ITSN1: variants seen among roughly 807,000 people sequenced by gnomAD.
The protein encoded by ITSN1 is intersectin 1.
A neutral mutation model predicts 239.8 loss-of-function variants in ITSN1; 58 were observed. The observed-to-expected ratio is 0.24, with a 90% CI of 0.20 to 0.30. ITSN1 has a LOEUF of 0.30. Ranked by LOEUF, ITSN1 falls within the 10% of genes least tolerant of loss-of-function variation. ITSN1 has a pLI of 1.00. For missense variants in ITSN1, 1,558 were observed against 2,103.3 expected, an observed-to-expected ratio of 0.74 and a Z score of 5.07; for synonymous variants, 780 against 770.8, an observed-to-expected ratio of 1.01 and a Z score of -0.20.
chr21:33,643,773 TCTC>T (rs2087671113), intron 1 of ITSN1: 1 of 152,276 alleles, frequency 6.6e-6, no homozygotes. Flanking sequence ...TTGGCATTCT[TCTC>T]TTGCTGCTCC....
chr21:33,740,942 A>G (rs556099625), intron 5 of ITSN1, among the ~76,000 whole-genome samples: 17 of 152,258 alleles, frequency 1.1e-4, no homozygotes, highest in East Asian at 7.7e-4. Flanking sequence ...TAGCTAATAA[A>G]TTTTTCCTTT....
intron 1 of ITSN1, among the ~76,000 whole-genome samples, chr21:33,696,098 C>T (rs2091781055): frequency 6.6e-6 from 1 of 152,144 alleles, no homozygotes; most frequent in Non-Finnish European, 1.5e-5. Context: ...TAGCAGAGCG[C>T]AGTTGGTTTT....
At chr21:33,812,151 G>GA (rs201610599) in intron 21 of ITSN1, among the ~76,000 whole-genome samples, 6 of 151,678 alleles carry the variant, frequency 4.0e-5, no homozygotes, top group Admixed American at 2.6e-4. Context: ...TCTGCTTTAA[G>GA]AAAAAAAAGC....
chr21:33,800,997 A>G (rs1470349248), intron 19 of ITSN1, among the ~76,000 whole-genome samples: 2 of 150,828 alleles, frequency 1.3e-5, no homozygotes, highest in African/African-American at 2.4e-5. Context: ...CATCCTCCCA[A>G]CTAGCTGGAA....
At position 33,836,640 on chromosome 21, in the gene ITSN1, C is replaced by T; in HGVS notation, c.3661+8C>T. ...TGGACCCAAGCCAGCAATGTAAGTG[C>T]CCTGGTGGCTCTGTCGCCTCGCCTC... is the stretch of plus-strand genomic sequence containing the variant. On this transcript the variant is annotated splice_region_variant and intron_variant, in intron 29 of 39. Coordinates refer to ENST00000381318, the MANE Select transcript of ITSN1 (RefSeq NM_003024.3). The T allele has an allele frequency of 6.2e-7, 1 of 1,609,914 alleles. No individual in the cohort carries two copies. The highest frequency in any genetic ancestry group is 2.2e-5 in the East Asian group (1 of 44,852).
At position 33,885,084 on chromosome 21, in the gene ITSN1, A is replaced by G. The variant is rs1368558188; in HGVS notation, c.4720A>G (p.Ile1574Val). The change falls in exon 37 of 40, where the codon ATA (isoleucine) becomes GTA (valine). Residue 1574 changes from isoleucine to valine, a missense_variant. Physicochemically the swap from Ile to Val is conservative, Grantham distance 29. This residue lies in a region of ITSN1 where 576 missense variants were observed against 893.3 expected (regional missense o/e 0.64). Transcript: ENST00000381318. The stretch of plus-strand genomic sequence containing the variant: ...AATCAAAGCTGCTTCTGAACTCTAC[A>G]TAGAGACTGAGAAAAAGAAGCGCGA... ...QKIKAASELY[I>V]ETEKKKREKA... is the part of the protein sequence containing the mutation. The G allele has an allele frequency of 7.4e-6, 12 of 1,614,164 alleles. No homozygotes were observed. The highest frequency in any genetic ancestry group is 2.2e-5 in the East Asian group (1 of 44,884).
At chr21:33,843,337 G>A (rs1025606266) in intron 29 of ITSN1, among the ~76,000 whole-genome samples, 7 of 152,162 alleles carry the variant, frequency 4.6e-5, no homozygotes, top group Non-Finnish European at 8.8e-5. Context: ...CACTGGTGGG[G>A]TTACCATGGG....
chr21:33,851,059 C>T (rs1164566165), intron 29 of ITSN1, among the ~76,000 whole-genome samples: 2 of 152,186 alleles, frequency 1.3e-5, no homozygotes, highest in African/African-American at 4.8e-5. Flanking sequence ...TGAAAGCCAT[C>T]GCCCGGGCTT....
chr21:33,763,207 G>C (rs1171524455), intron 9 of ITSN1, among the ~76,000 whole-genome samples: 1 of 106,792 alleles, frequency 9.4e-6, no homozygotes, highest in Non-Finnish European at 1.8e-5. Context: ...CTTTTCCCAA[G>C]TCCCCCAGGC....
intron 10 of ITSN1, 139 bp from the exon 11 acceptor site, chr21:33,767,574 A>G: frequency 4.3e-6 from 2 of 462,244 alleles, no homozygotes; most frequent in Non-Finnish European, 7.8e-6. Context: ...GAGAAGACCA[A>G]ATCTTTATAT....
chr21:33,690,586 C>T (rs1395012282), intron 1 of ITSN1, among the ~76,000 whole-genome samples: 3 of 146,344 alleles, frequency 2.0e-5, no homozygotes, highest in East Asian at 2.0e-4. Flanking sequence ...GGCAACAGAG[C>T]GAGACTCCGT....
In ITSN1 at chr21:33,802,441, A is replaced by G; in HGVS notation, c.2316A>G (p.Glu772=). Residue 772 remains glutamate, a synonymous_variant, in exon 20 of 40, where the codon GAA becomes GAG. Coordinates refer to ENST00000381318, the MANE Select transcript of ITSN1 (RefSeq NM_003024.3). ...QPGDIVMVKG[E]WVDESQTGEP... Reference sequence around the variant, plus strand: ...CTTTCCTGGTGGAGGTTAAAGGGGAATGGGTAAGTGTTGCCTAACTGTCAG... The same window carrying G: ...CTTTCCTGGTGGAGGTTAAAGGGGAGTGGGTAAGTGTTGCCTAACTGTCAG... 6.2e-7 allele frequency: 1 copy of G among 1,613,778 alleles called. No homozygotes were observed. Among genetic ancestry groups the G allele is most frequent in the Non-Finnish European group, 8.5e-7 (1 of 1,179,796 alleles).
intron 27 of ITSN1, among the ~76,000 whole-genome samples, chr21:33,832,505 C>G (rs1490810374): frequency 6.6e-6 from 1 of 152,166 alleles, no homozygotes; most frequent in Non-Finnish European, 1.5e-5. Flanking sequence ...GCTGAGTTGC[C>G]ATGACCCAGG....
chr21:33,863,023 G>T (rs1013033393), intron 31 of ITSN1, among the ~76,000 whole-genome samples: 10 of 152,164 alleles, frequency 6.6e-5, no homozygotes, highest in African/African-American at 2.4e-4. Flanking sequence ...CTTTCTAGGA[G>T]ACTGCCGATC....
intron 3 of ITSN1, among the ~76,000 whole-genome samples, chr21:33,722,293 T>G (rs1204134502): frequency 1.3e-5 from 2 of 152,226 alleles, no homozygotes; most frequent in African/African-American, 4.8e-5. Flanking sequence ...TAAATGTGCT[T>G]TTGCACAATG....
intron 1 of ITSN1, among the ~76,000 whole-genome samples, chr21:33,670,836 C>T (rs369986955): frequency 2.0e-5 from 3 of 152,304 alleles, no homozygotes; most frequent in Non-Finnish European, 4.4e-5. Context: ...CAAATGCACA[C>T]GGTAGAGGTA....
In ITSN1 at chr21:33,895,706, C is replaced by CAT. The variant is rs1986734352; in HGVS notation, c.*7406_*7407insAT. The CAT allele has an allele frequency of 6.6e-6, 1 of 150,860 alleles. No individual in the cohort carries two copies. Among genetic ancestry groups the CAT allele is most frequent in the Non-Finnish European group, 1.5e-5 (1 of 67,746 alleles). 9.3% of individuals were successfully genotyped at this position (150,860 alleles called of 1,614,324 possible). ...GCGTGCATATGTGTATGTGTGTGCG[C>CAT]GTGCGTGTGCGTGCATGTGTGCGCA... is the stretch of plus-strand genomic sequence containing the variant. On this transcript the variant is annotated 3_prime_UTR_variant, in exon 40 of 40. Coordinates refer to ENST00000381318, the MANE Select transcript of ITSN1 (RefSeq NM_003024.3).
chr21:33,807,072 G>A (rs1488724089), intron 20 of ITSN1, among the ~76,000 whole-genome samples: 1 of 152,170 alleles, frequency 6.6e-6, no homozygotes, highest in Non-Finnish European at 1.5e-5. Flanking sequence ...TAAAATTGAT[G>A]TATACTTGTA....
At position 33,867,308 on chromosome 21, in the gene ITSN1, A is replaced by C. The variant is rs1465678024; in HGVS notation, c.4150A>C (p.Arg1384=). The change falls in exon 33 of 40, where the codon AGA becomes CGA. Residue 1384 remains arginine (R), a synonymous_variant. Coordinates refer to ENST00000381318, the MANE Select transcript of ITSN1 (RefSeq NM_003024.3). ...FILKPMQRVT[R]YPLIIKNILE... The stretch of plus-strand genomic sequence containing the variant: ...ACTGAAGCCTATGCAACGGGTAACA[A>C]GATACCCACTGATCATTAAAAATGT... 5 of 1,600,992 alleles carry C rather than the reference A, an allele frequency of 3.1e-6. No homozygotes were observed. The highest frequency in any genetic ancestry group is 4.3e-6 in the Non-Finnish European group (5 of 1,168,216).
Sources: allele counts gnomAD v4.1 joint callset (sites outside exome capture counted in the v4.1 genomes callset), GRCh38; gene constraint gnomAD v4.1.1; regional missense constraint gnomAD v4.1.1; transcripts MANE v1.5; gene names NCBI Gene and HGNC (gene_info 2026-07-23, HGNC 2026-07-21).